The following CLK2 variants were observed in gnomAD, a reference collection of about 807,000 sequenced individuals.
The protein encoded by CLK2 is CDC like kinase 2.
A neutral mutation model predicts 73.5 loss-of-function variants in CLK2; 12 were observed. That is an observed-to-expected ratio of 0.16 (90% confidence interval 0.10 to 0.26). The LOEUF is 0.26. Among genes scored for constraint, CLK2 ranks in the 10% least tolerant of loss-of-function variants. CLK2 has a pLI of 1.00. For missense variants in CLK2, 509 were observed against 688.4 expected, an observed-to-expected ratio of 0.74 and a Z score of 2.92; for synonymous variants, 232 against 237.9, an observed-to-expected ratio of 0.98 and a Z score of 0.23.
rs889902337 is a variant in CLK2 at position 155,273,425 on chromosome 1, C to A, written c.-225G>T. 6.5e-6 allele frequency: 1 copy of A among 152,970 alleles called. No individual in the cohort carries two copies. The highest frequency in any genetic ancestry group is 2.4e-5 in the African/African-American group (1 of 41,456). 9.5% of individuals were successfully genotyped at this position (152,970 alleles called of 1,614,324 possible). On this transcript the variant is annotated 5_prime_UTR_variant, in exon 1 of 13. Transcript: ENST00000368361. ...CTTGGCGCCGCTCGCACCGCCCCCG[C>A]CCGGGGCCCGATCCCAGCTCGGTCT...
At chr1:155,266,956 TC>T in intron 6 of CLK2, 61 bp from the exon 7 acceptor site, 1 of 1,572,100 alleles carries the variant, frequency 6.4e-7, no homozygotes, top group Middle Eastern at 1.7e-4. Context: ...CCATCAGCCA[TC>T]CAACAAGGAG....
chr1:155,271,044 C>CT, intron 1 of CLK2, 67 bp from the exon 2 acceptor site: 1 of 1,522,754 alleles, frequency 6.6e-7, no homozygotes, highest in Non-Finnish European at 9.0e-7. Flanking sequence ...CAAGGACTGG[C>CT]TGCTCCAAAG....
Position 155,269,650 on chromosome 1 carries a change from G to A in CLK2, c.237C>T (p.Arg79=), listed in dbSNP as rs1232912493. 1 of 1,614,202 alleles carries A rather than the reference G, an allele frequency of 6.2e-7. No individual in the cohort carries two copies. The highest frequency in any genetic ancestry group is 1.7e-5 in the Admixed American group (1 of 60,024). ...YDRRYCGSYR[R]NDYSRDRGDA... ...CTCCCCGATCCCGGCTATAATCGTT[G>A]CGTCTGTAGCTGCCACAGTATCGCC... Residue 79 remains arginine, a synonymous_variant, in exon 3 of 13, where the codon CGC becomes CGT. Transcript: ENST00000368361.
Position 155,268,604 on chromosome 1 carries a change from C to T in CLK2, c.487+104G>A. 1 of 1,103,690 alleles carries T rather than the reference C, an allele frequency of 9.1e-7. No homozygotes were observed. The highest frequency in any genetic ancestry group is 1.4e-6 in the Non-Finnish European group (1 of 721,808). 68.4% of individuals were successfully genotyped at this position (1,103,690 alleles called of 1,614,324 possible). On this transcript the variant is annotated intron_variant, in intron 4 of 12. Transcript: ENST00000368361. The surrounding 1 kb of genome is among the most constrained non-coding windows in gnomAD (Gnocchi z 5.6). The stretch of plus-strand genomic sequence containing the variant: ...CAACTCAAACCACCCAGATAAACAA[C>T]ACCACTGAGAAAAGGCAAGAGGCTG...
In CLK2 at chr1:155,269,864, G is replaced by A. The variant is rs1384801991; in HGVS notation, c.171-148C>T. On this transcript the variant is annotated intron_variant, in intron 2 of 12. Coordinates refer to ENST00000368361, the MANE Select transcript of CLK2 (RefSeq NM_001294338.2). ...TGTTGAGTCACTGAGAGGACCAAGG[G>A]ACCAGAGAAGTGAGGTAACAAGCAC... 4.2e-6 allele frequency: 3 copies of A among 717,224 alleles called. No homozygotes were observed. In the South Asian group the frequency reaches 5.1e-5, roughly 12 times the overall value. The allele number at this position is 717,224 out of a possible 1,614,324, so 44.4% of individuals were successfully genotyped here. A position where few individuals can be genotyped will look rare whatever the true frequency, so the allele number is the denominator to read the frequency against.
At chr1:155,267,171 T>C (rs1225763840) in intron 6 of CLK2, among the ~76,000 whole-genome samples, 1 of 152,198 alleles carries the variant, frequency 6.6e-6, no homozygotes, top group Non-Finnish European at 1.5e-5. Flanking sequence ...CTTGGCTCAC[T>C]GCAACCTCTG....
chr1:155,269,667 A>G lies in CLK2; in HGVS notation c.220T>C (p.Cys74Arg), dbSNP rs1673405085. The G allele has an allele frequency of 2.5e-6, 4 of 1,614,246 alleles. No homozygotes were observed. Among genetic ancestry groups the G allele is most frequent in the East Asian group, 2.2e-5 (1 of 44,894 alleles). Reference protein sequence around the residue: ...SDRRVYDRRYCGSYRRNDYSR... With the variant: ...SDRRVYDRRYRGSYRRNDYSR... ...TAATCGTTGCGTCTGTAGCTGCCAC[A>G]GTATCGCCGGTCATACACCCTCCGG... The change falls in exon 3 of 13, where the codon TGT becomes CGT. Residue 74 changes from cysteine (C) to arginine (R), a missense_variant. Cys to Arg is a radical substitution (Grantham distance 180). This residue lies in a region of CLK2 where 222 missense variants were observed against 221.7 expected (regional missense o/e 1.00). Coordinates refer to ENST00000368361, the MANE Select transcript of CLK2 (RefSeq NM_001294338.2).
At chr1:155,267,258 A>C (rs190403986) in intron 6 of CLK2, among the ~76,000 whole-genome samples, 1 of 151,910 alleles carries the variant, frequency 6.6e-6, no homozygotes, top group Non-Finnish European at 1.5e-5. Flanking sequence ...ATGCCCGGCT[A>C]ATTTTTTTAT....
In CLK2 at chr1:155,268,204, A is replaced by C. The variant is rs1673323513; in HGVS notation, c.555-78T>G. The C allele has an allele frequency of 1.9e-6, 3 of 1,558,988 alleles. No homozygotes were observed. In the African/African-American group the frequency reaches 4.1e-5, roughly 21 times the overall value. ...GAACAGGGCTGTAGGGGGACTAAGA[A>C]ATTCTACCTCAGGTTAATTAGCAAA... On this transcript the variant is annotated intron_variant, in intron 5 of 12. Coordinates refer to ENST00000368361, the MANE Select transcript of CLK2 (RefSeq NM_001294338.2). This position sits in a 1 kb window ranked among gnomAD's most constrained non-coding sequence, Gnocchi z 5.6.
chr1:155,271,669 C>A (rs1673516050), intron 1 of CLK2, among the ~76,000 whole-genome samples: 1 of 152,190 alleles, frequency 6.6e-6, no homozygotes, highest in Non-Finnish European at 1.5e-5. Flanking sequence ...AGATATAGAT[C>A]TGTGTGATGC....
chr1:155,268,834 C>T lies in CLK2; in HGVS notation c.400-39G>A, dbSNP rs1253560811. 2.0e-5 allele frequency: 9 copies of T among 456,350 alleles called. No individual in the cohort carries two copies. The highest frequency in any genetic ancestry group is 3.7e-5 in the African/African-American group (1 of 27,182). 28.3% of individuals were successfully genotyped at this position (456,350 alleles called of 1,614,324 possible). On this transcript the variant is annotated intron_variant, in intron 3 of 12. Transcript: ENST00000368361. The surrounding 1 kb of genome is among the most constrained non-coding windows in gnomAD (Gnocchi z 5.6). ...GGGGGGGTCGGAGCAAGCCAGGTGTCGGAGCGGGGGCCGGAGGGAGGCGGG... is the reference window on the plus strand; with the variant it reads ...GGGGGGGTCGGAGCAAGCCAGGTGTTGGAGCGGGGGCCGGAGGGAGGCGGG...
Position 155,270,739 on chromosome 1 carries a change from A to G in CLK2, c.170+69T>C, listed in dbSNP as rs748852011. 128 of 1,504,678 alleles carry G rather than the reference A, an allele frequency of 8.5e-5. 1 individual carries two copies. In the Middle Eastern group the frequency reaches 1.2e-3, roughly 14 times the overall value. 93.2% of individuals were successfully genotyped at this position (1,504,678 alleles called of 1,614,324 possible). ...AGGCAATGGTTTTAGCATATAACCAATAAGTATTTGTTGAACAAAGGAATG... is the reference window on the plus strand; with the variant it reads ...AGGCAATGGTTTTAGCATATAACCAGTAAGTATTTGTTGAACAAAGGAATG... On this transcript the variant is annotated intron_variant, in intron 2 of 12. Coordinates refer to ENST00000368361, the MANE Select transcript of CLK2 (RefSeq NM_001294338.2).
chr1:155,263,280 C>A lies in CLK2; in HGVS notation c.1438G>T (p.Ala480Ser). ...TTGGGCGGCTCAGCCCGAAGGCGGG[C>A]GAAGAAAGGATGCTGAAGGGCTTCA... The part of the protein sequence containing the change: ...LGEALQHPFF[A>S]RLRAEPPNKL... The change falls in exon 13 of 13, where the codon GCC (alanine) becomes TCC (serine). Residue 480 changes from alanine to serine, a missense_variant. Ala to Ser is a moderately conservative substitution (Grantham distance 99, BLOSUM62 1). This residue lies in a region of CLK2 where 134 missense variants were observed against 146.0 expected (regional missense o/e 0.92). Transcript: ENST00000368361. The A allele has an allele frequency of 1.9e-6, 3 of 1,614,130 alleles. No homozygotes were observed. Among genetic ancestry groups the A allele is most frequent in the Non-Finnish European group, 2.5e-6 (3 of 1,180,028 alleles).
In CLK2 at chr1:155,270,286, G is replaced by T. The variant is rs11577338; in HGVS notation, c.170+522C>A. On this transcript the variant is annotated intron_variant, in intron 2 of 12. Transcript: ENST00000368361. ...CTTGGGAGGCTGAGGCACAAGAATC[G>T]CTTGAACCTGGGGCCATAGAGTTTG... Among the ~76,000 whole-genome samples the T allele has an allele frequency of 1.3e-3, 197 of 152,038 alleles. 1 individual carries two copies. Among genetic ancestry groups the T allele is most frequent in the African/African-American group, 4.5e-3 (188 of 41,446 alleles).
intron 1 of CLK2, among the ~76,000 whole-genome samples, chr1:155,271,707 A>G (rs917365594): frequency 6.6e-6 from 1 of 152,214 alleles, no homozygotes; most frequent in Non-Finnish European, 1.5e-5. Flanking sequence ...AATAGAGTAA[A>G]GCTTTGGTTT....
intron 8 of CLK2, 41 bp from the exon 9 acceptor site, chr1:155,264,815 A>G: frequency 6.2e-7 from 1 of 1,608,122 alleles, no homozygotes; most frequent in African/African-American, 1.3e-5. Flanking sequence ...CTGCACCCAG[A>G]CTGAGATTCC....
chr1:155,264,328 G>T (rs371767797), intron 10 of CLK2, 28 bp from the exon 11 acceptor site: 6 of 1,613,314 alleles, frequency 3.7e-6, no homozygotes, highest in Non-Finnish European at 4.2e-6. Context: ...AACTGAGCAT[G>T]GGACTGAAAA....
chr1:155,263,169 C>T lies in CLK2; in HGVS notation c.*49G>A. ...TATAAAAAAGCACCAGTGTCCTGGA[C>T]TGGACACCCACTGCTATAAAAGATG... On this transcript the variant is annotated 3_prime_UTR_variant, in exon 13 of 13. Transcript: ENST00000368361. 3 of 1,563,466 alleles carry T rather than the reference C, an allele frequency of 1.9e-6. No individual in the cohort carries two copies. Among genetic ancestry groups the T allele is most frequent in the Non-Finnish European group, 2.6e-6 (3 of 1,154,832 alleles).
chr1:155,265,730 C>T (rs1673203544), intron 8 of CLK2, 130 bp downstream of exon 8: 1 of 731,776 alleles, frequency 1.4e-6, no homozygotes, highest in African/African-American at 1.7e-5. Flanking sequence ...TTAGTTTTAC[C>T]CAGTTGGAGC....
Sources: gnomAD v4.1 joint callset for allele counts (sites outside exome capture counted in the v4.1 genomes callset) on GRCh38, gnomAD v4.1.1 for gene constraint, gnomAD v4.1.1 regional missense constraint, Gnocchi (gnomAD v3.1) non-coding constraint, MANE v1.5 for transcripts, NCBI Gene and HGNC (gene_info 2026-07-23, HGNC 2026-07-21) for gene names.